The following MAGI1 variants were observed in gnomAD, a reference collection of about 807,000 sequenced individuals.
The protein encoded by MAGI1 is membrane associated guanylate kinase, WW and PDZ domain containing 1, also known as membrane-associated guanylate kinase, WW and PDZ domain-containing protein 1.
Under a neutral mutation model 139.9 loss-of-function variants are expected in MAGI1, and 58 were observed. The observed-to-expected ratio is 0.41, with a 90% CI of 0.34 to 0.52. The LOEUF is 0.52. MAGI1 is among the 20% of genes least tolerant of loss of function. The pLI, the probability that MAGI1 is intolerant of heterozygous loss-of-function variation, is 0.12. For synonymous variants in MAGI1, 812 were observed against 737.9 expected (o/e 1.10, Z -1.63); for missense variants, 1,874 against 1,901.6 (o/e 0.99, Z 0.27).
intron 18 of MAGI1, among the ~76,000 whole-genome samples, chr3:65,366,344 T>C (rs1223298366): frequency 6.6e-6 from 1 of 152,220 alleles, no homozygotes; most frequent in South Asian, 2.1e-4. Context: ...ATTATTCTTC[T>C]AGCTAAGGCA....
chr3:65,637,211 G>GA (rs1273864745), intron 1 of MAGI1, among the ~76,000 whole-genome samples: 1 of 152,098 alleles, frequency 6.6e-6, no homozygotes, highest in African/African-American at 2.4e-5. Context: ...CACATATGTG[G>GA]AATCTTCTTT....
At chr3:65,506,311 C>G (rs894671925) in intron 2 of MAGI1, among the ~76,000 whole-genome samples, 1 of 152,120 alleles carries the variant, frequency 6.6e-6, no homozygotes, top group African/African-American at 2.4e-5. Flanking sequence ...TCATAATATG[C>G]ATTAACCATG....
intron 1 of MAGI1, among the ~76,000 whole-genome samples, chr3:66,003,092 A>G (rs924567626): frequency 3.3e-5 from 5 of 152,058 alleles, no homozygotes; most frequent in Admixed American, 6.5e-5. Context: ...TGCCCTGAAC[A>G]TATGAAAGAA....
chr3:65,887,433 T>C (rs980020824), intron 1 of MAGI1, among the ~76,000 whole-genome samples: 1 of 148,072 alleles, frequency 6.8e-6, no homozygotes, highest in Non-Finnish European at 1.5e-5. Context: ...GGAAATAAGA[T>C]TTCTATCTAC....
intron 1 of MAGI1, among the ~76,000 whole-genome samples, chr3:65,664,667 A>G (rs547988764): frequency 1.3e-3 from 195 of 152,342 alleles, no homozygotes; most frequent in African/African-American, 4.2e-3. Context: ...CAATACTCAC[A>G]GCACTTTCAC....
At chr3:65,455,686 G>A (rs1184197018) in intron 5 of MAGI1, among the ~76,000 whole-genome samples, 1 of 152,182 alleles carries the variant, frequency 6.6e-6, no homozygotes, top group East Asian at 1.9e-4. Flanking sequence ...GCAGTGAGCA[G>A]AGACTGTGCC....
intron 1 of MAGI1, among the ~76,000 whole-genome samples, chr3:65,765,006 A>G (rs2037349712): frequency 6.6e-6 from 1 of 152,182 alleles, no homozygotes; most frequent in African/African-American, 2.4e-5. Flanking sequence ...AAGAAATTAT[A>G]GGAACTAAAT....
At chr3:65,963,437 G>C (rs775122639) in intron 1 of MAGI1, among the ~76,000 whole-genome samples, 10 of 151,998 alleles carry the variant, frequency 6.6e-5, no homozygotes, top group Non-Finnish European at 1.0e-4. Context: ...CCAACATGGT[G>C]AAACCCCGTC....
intron 1 of MAGI1, among the ~76,000 whole-genome samples, chr3:65,867,715 T>A (rs931872211): frequency 6.6e-6 from 1 of 152,052 alleles, no homozygotes; most frequent in Admixed American, 6.6e-5. Context: ...ATCTCACCAC[T>A]GCACTCCAGC....
chr3:65,717,759 T>C (rs1189595953), intron 1 of MAGI1, among the ~76,000 whole-genome samples: 1 of 152,196 alleles, frequency 6.6e-6, no homozygotes, highest in Non-Finnish European at 1.5e-5. Flanking sequence ...TTGATTCTGA[T>C]TGGTCCAGCT....
chr3:65,813,109 C>T (rs868148532), intron 1 of MAGI1, among the ~76,000 whole-genome samples: 7 of 151,692 alleles, frequency 4.6e-5, no homozygotes, highest in Admixed American at 1.3e-4. Flanking sequence ...TTCAAGGAAA[C>T]GAAACCATCT....
At chr3:65,534,236 CT>C (rs1334637506) in intron 2 of MAGI1, among the ~76,000 whole-genome samples, 6 of 152,122 alleles carry the variant, frequency 3.9e-5, no homozygotes, top group Non-Finnish European at 8.8e-5. Context: ...AATCCCAGCA[CT>C]TTAGGAGGCC....
intron 3 of MAGI1, among the ~76,000 whole-genome samples, chr3:65,481,953 A>G (rs1254494797): frequency 6.6e-6 from 1 of 152,214 alleles, no homozygotes; most frequent in African/African-American, 2.4e-5. Flanking sequence ...GTTTCTGAAA[A>G]TTAGTTTAAC....
At chr3:65,776,247 CT>C (rs5849693) in intron 1 of MAGI1, among the ~76,000 whole-genome samples, 4,342 of 141,532 alleles carry the variant, frequency 0.031, 87 homozygotes, top group Middle Eastern at 0.043. Flanking sequence ...AGTTGGGTTT[CT>C]TTTTTTTTTT....
chr3:65,900,369 T>G (rs2061170446), intron 1 of MAGI1, among the ~76,000 whole-genome samples: 1 of 152,054 alleles, frequency 6.6e-6, no homozygotes, highest in African/African-American at 2.4e-5. Context: ...GAAAACACAG[T>G]GTTATAATTG....
intron 5 of MAGI1, among the ~76,000 whole-genome samples, chr3:65,461,372 C>T (rs1949777162): frequency 6.6e-6 from 1 of 151,920 alleles, no homozygotes; most frequent in Non-Finnish European, 1.5e-5. Flanking sequence ...CGTGCCAATA[C>T]ACCCGCCTAG....
Position 65,620,605 on chromosome 3 carries a change from G to A in MAGI1, c.430+1367C>T, listed in dbSNP as rs6764005. Among the ~76,000 whole-genome samples, 572 of 152,276 alleles carry A rather than the reference G, an allele frequency of 3.8e-3. 7 individuals are homozygous for A. The highest frequency in any genetic ancestry group is 0.013 in the African/African-American group (553 of 41,562). On this transcript the variant is annotated intron_variant, in intron 2 of 22. Coordinates refer to ENST00000402939, the MANE Select transcript of MAGI1 (RefSeq NM_001033057.2). ...AGCATTAGGAATTAATTATTATTAA[G>A]CCAAAATATAAGAAATTACTACGAG...
At chr3:65,724,839 T>G (rs546831021) in intron 1 of MAGI1, among the ~76,000 whole-genome samples, 1 of 152,232 alleles carries the variant, frequency 6.6e-6, no homozygotes, top group African/African-American at 2.4e-5. Context: ...TCATATCTCA[T>G]GAGAACTCAC....
At chr3:65,538,635 G>C (rs1196392952) in intron 2 of MAGI1, among the ~76,000 whole-genome samples, 2 of 151,948 alleles carry the variant, frequency 1.3e-5, no homozygotes, top group African/African-American at 4.8e-5. Flanking sequence ...ATTAATTATA[G>C]CCCTAATGTG....
Sources: gnomAD v4.1 joint callset for allele counts (sites outside exome capture counted in the v4.1 genomes callset) on GRCh38, gnomAD v4.1.1 for gene constraint, MANE v1.5 for transcripts, NCBI Gene and HGNC (gene_info 2026-07-23, HGNC 2026-07-21) for gene names.